The following RAP1A variants were observed in gnomAD, a reference collection of about 807,000 sequenced individuals.
RAP1A encodes the protein RAP1A, member of RAS oncogene family, also known as ras-related protein Rap-1A.
In RAP1A, 6 loss-of-function variants were observed where a neutral mutation model predicts 26.4. The observed-to-expected ratio is 0.23, with a 90% CI of 0.12 to 0.45. RAP1A has a LOEUF of 0.45. RAP1A is among the 20% of genes least tolerant of loss of function. RAP1A has a pLI of 0.99. For synonymous variants in RAP1A, 73 were observed against 79.4 expected (o/e 0.92, Z 0.43); for missense variants, 121 against 217.2 (o/e 0.56, Z 2.78).
chr1:111,642,057 CAACATGA>C (rs1253809564), intron 1 of RAP1A, among the ~76,000 whole-genome samples: 15 of 152,106 alleles, frequency 9.9e-5, no homozygotes, highest in African/African-American at 3.6e-4. Flanking sequence ...CCAGCCTAAC[CAACATGA>C]AGAAACCCTG....
intron 1 of RAP1A, among the ~76,000 whole-genome samples, chr1:111,589,387 C>A (rs1557859108): frequency 6.6e-6 from 1 of 152,108 alleles, no homozygotes; most frequent in Non-Finnish European, 1.5e-5. Flanking sequence ...CAAGTCAAGC[C>A]TAGGCAACAT....
At chr1:111,645,889 G>A (rs187101709) in intron 1 of RAP1A, among the ~76,000 whole-genome samples, 13 of 152,348 alleles carry the variant, frequency 8.5e-5, no homozygotes, top group Non-Finnish European at 1.5e-4. Flanking sequence ...AAAAGGAAGG[G>A]AAACAATAAG....
chr1:111,647,922 T>C (rs2786999), intron 1 of RAP1A, among the ~76,000 whole-genome samples: 132,248 of 152,082 alleles, frequency 0.87, 57,723 homozygotes, highest in African/African-American at 0.92. Context: ...CTTTGAACCC[T>C]GAACTTCAAG....
At chr1:111,607,172 TC>T (rs1175724541) in intron 1 of RAP1A, among the ~76,000 whole-genome samples, 10 of 151,272 alleles carry the variant, frequency 6.6e-5, no homozygotes, top group African/African-American at 2.4e-4. Context: ...CCTGCGGCCT[TC>T]CGCAGTGTTT....
intron 1 of RAP1A, among the ~76,000 whole-genome samples, chr1:111,659,520 T>A (rs1660566627): frequency 4.0e-5 from 6 of 151,836 alleles, no homozygotes; most frequent in Admixed American, 3.9e-4. Context: ...TCTTTTTTTT[T>A]TTTTCTCTTA....
At chr1:111,699,161 TG>T (rs1661934475) in intron 4 of RAP1A, among the ~76,000 whole-genome samples, 1 of 152,112 alleles carries the variant, frequency 6.6e-6, no homozygotes, top group Non-Finnish European at 1.5e-5. Context: ...TGCATAATCT[TG>T]TCTCAAAATC....
intron 1 of RAP1A, among the ~76,000 whole-genome samples, chr1:111,662,815 G>T (rs954495237): frequency 3.3e-5 from 5 of 152,228 alleles, no homozygotes; most frequent in African/African-American, 1.2e-4. Context: ...AAATAAAGAA[G>T]TTGAATATTA....
In RAP1A at chr1:111,716,163, A is replaced by G. The variant is rs972137625; in HGVS notation, c.*3762A>G. Reference sequence around the variant, plus strand: ...TATGTGTTAAAATATCCCCTCTTGAATCAGCTCCAGGCTTAAAAGGGCAGA... The same window carrying G: ...TATGTGTTAAAATATCCCCTCTTGAGTCAGCTCCAGGCTTAAAAGGGCAGA... On this transcript the variant is annotated 3_prime_UTR_variant, in exon 8 of 8. Coordinates refer to ENST00000369709, the MANE Select transcript of RAP1A (RefSeq NM_002884.4). 5 of 152,222 alleles carry G rather than the reference A, an allele frequency of 3.3e-5. No homozygotes were observed. The highest frequency in any genetic ancestry group is 4.8e-5 in the African/African-American group (2 of 41,454). 9.4% of individuals were successfully genotyped at this position (152,222 alleles called of 1,614,324 possible).
rs143677142 is a variant in RAP1A at position 111,681,595 on chromosome 1, A to G, written c.-27-9739A>G. Reference sequence around the variant, plus strand: ...CTGAATTGATCAAGTGGAAGAAAGGATATCAGAGATTGAAGATCAACTTAA... The same window carrying G: ...CTGAATTGATCAAGTGGAAGAAAGGGTATCAGAGATTGAAGATCAACTTAA... On this transcript the variant is annotated intron_variant, in intron 1 of 7. Transcript: ENST00000369709. Among the ~76,000 whole-genome samples, 696 of 152,312 alleles carry G rather than the reference A, an allele frequency of 4.6e-3. 8 individuals are homozygous for G. Among genetic ancestry groups the G allele is most frequent in the African/African-American group, 0.016 (649 of 41,572 alleles).
intron 1 of RAP1A, among the ~76,000 whole-genome samples, chr1:111,681,469 C>A (rs1318411201): frequency 6.6e-6 from 1 of 152,174 alleles, no homozygotes; most frequent in Non-Finnish European, 1.5e-5. Flanking sequence ...GTTGCAGGAA[C>A]TGCTAACTAG....
intron 1 of RAP1A, among the ~76,000 whole-genome samples, chr1:111,592,791 A>G (rs1263468700): frequency 6.6e-6 from 1 of 152,184 alleles, no homozygotes; most frequent in Non-Finnish European, 1.5e-5. Context: ...ACTTTTCCAC[A>G]GCAGCTTTTG....
intron 1 of RAP1A, among the ~76,000 whole-genome samples, chr1:111,548,875 G>A (rs1005056981): frequency 4.6e-5 from 7 of 152,078 alleles, no homozygotes; most frequent in Admixed American, 6.6e-5. Flanking sequence ...AATTCATGTC[G>A]CTCTGATATG....
chr1:111,700,420 G>A (rs547829778), intron 4 of RAP1A, among the ~76,000 whole-genome samples: 1 of 152,124 alleles, frequency 6.6e-6, no homozygotes, highest in Admixed American at 6.5e-5. Flanking sequence ...GAGTGAGCGG[G>A]AGATGCCACA....
chr1:111,682,157 C>A (rs1297234188), intron 1 of RAP1A, among the ~76,000 whole-genome samples: 1 of 152,128 alleles, frequency 6.6e-6, no homozygotes, highest in Non-Finnish European at 1.5e-5. Flanking sequence ...GGGATTTTGT[C>A]ACCACCAGGC....
At chr1:111,575,810 G>A (rs970444085) in intron 1 of RAP1A, among the ~76,000 whole-genome samples, 2 of 152,146 alleles carry the variant, frequency 1.3e-5, no homozygotes, top group African/African-American at 4.8e-5. Flanking sequence ...AAACCACTCA[G>A]CCTGGGGCAT....
At chr1:111,633,255 A>G (rs935607946) in intron 1 of RAP1A, among the ~76,000 whole-genome samples, 3 of 152,114 alleles carry the variant, frequency 2.0e-5, no homozygotes, top group Non-Finnish European at 2.9e-5. Context: ...AGACTGCCCT[A>G]TTGTTGCATC....
rs79233198 is a variant in RAP1A at position 111,604,974 on chromosome 1, G to C, written c.-28+62465G>C. 9.6e-3 allele frequency among the ~76,000 whole-genome samples: 1,463 copies of C among 152,306 alleles called. 18 individuals carry two copies. Among genetic ancestry groups the C allele is most frequent in the African/African-American group, 0.034 (1,394 of 41,548 alleles). On this transcript the variant is annotated intron_variant, in intron 1 of 7. Coordinates refer to the RAP1A transcript ENST00000356415. Reference sequence around the variant, plus strand: ...TACCACCAGAGCTTCAAGTTAGTGTGACAATTCTCCATTGAACTCAGACAA... The same window carrying C: ...TACCACCAGAGCTTCAAGTTAGTGTCACAATTCTCCATTGAACTCAGACAA...
intron 1 of RAP1A, among the ~76,000 whole-genome samples, chr1:111,631,265 A>G (rs910698015): frequency 6.6e-6 from 1 of 152,184 alleles, no homozygotes; most frequent in African/African-American, 2.4e-5. Flanking sequence ...GCTTTTACTT[A>G]TGTGATTAAT....
At chr1:111,660,996 C>G (rs2101157002) in intron 1 of RAP1A, among the ~76,000 whole-genome samples, 1 of 152,334 alleles carries the variant, frequency 6.6e-6, no homozygotes, top group African/African-American at 2.4e-5. Flanking sequence ...TACGATCTCC[C>G]CATTGCTTTT....
Sources: allele counts gnomAD v4.1 joint callset (sites outside exome capture counted in the v4.1 genomes callset), GRCh38; gene constraint gnomAD v4.1.1; transcripts MANE v1.5; gene names NCBI Gene and HGNC (gene_info 2026-07-23, HGNC 2026-07-21).